PIK3AP1: variants seen among roughly 807,000 people sequenced by gnomAD.
PIK3AP1 encodes phosphoinositide-3-kinase adaptor protein 1.
A neutral mutation model predicts 88.1 loss-of-function variants in PIK3AP1; 21 were observed. The observed-to-expected ratio is 0.24, with a 90% confidence interval of 0.17 to 0.34. PIK3AP1 has a LOEUF of 0.34. Ranked by LOEUF, PIK3AP1 falls within the 10% of genes least tolerant of loss-of-function variation. The pLI is 1.00. For missense variants in PIK3AP1, 828 were observed against 1,035.7 expected (o/e 0.80, Z 2.75); for synonymous variants, 398 against 400.0 (o/e 1.00, Z 0.06).
At chr10:96,654,034 C>G (rs1213717709) in intron 3 of PIK3AP1, among the ~76,000 whole-genome samples, 2 of 152,208 alleles carry the variant, frequency 1.3e-5, no homozygotes, top group African/African-American at 2.4e-5. Flanking sequence ...GAGCCAGAGT[C>G]TGCATCATAA....
At chr10:96,712,046 A>T (rs1039816715) in intron 1 of PIK3AP1, among the ~76,000 whole-genome samples, 4 of 151,598 alleles carry the variant, frequency 2.6e-5, no homozygotes, top group African/African-American at 9.7e-5. Context: ...GAGCCACCGC[A>T]CCCGGCCATA....
intron 1 of PIK3AP1, among the ~76,000 whole-genome samples, chr10:96,712,234 T>C (rs979497233): frequency 1.3e-5 from 2 of 152,130 alleles, no homozygotes; most frequent in African/African-American, 4.8e-5. Context: ...TACAAATCTT[T>C]TAAAAAGGCA....
At chr10:96,636,569 C>G (rs751579636) in intron 8 of PIK3AP1, among the ~76,000 whole-genome samples, 2 of 152,182 alleles carry the variant, frequency 1.3e-5, no homozygotes, top group Non-Finnish European at 2.9e-5. Context: ...CAGAACAAAT[C>G]CCTGCATTCC....
intron 8 of PIK3AP1, among the ~76,000 whole-genome samples, chr10:96,643,741 CT>C (rs1843422204): frequency 6.6e-6 from 1 of 152,214 alleles, no homozygotes; most frequent in Non-Finnish European, 1.5e-5. Context: ...CCAAGGCATC[CT>C]GTTGGTGCCT....
chr10:96,650,781 C>T (rs1023779040), intron 6 of PIK3AP1, among the ~76,000 whole-genome samples: 1 of 152,124 alleles, frequency 6.6e-6, no homozygotes, highest in Non-Finnish European at 1.5e-5. Context: ...TGGCAAGAGA[C>T]AGGTGAAAAA....
chr10:96,624,350 T>C (rs1843126398), intron 10 of PIK3AP1, among the ~76,000 whole-genome samples: 1 of 152,230 alleles, frequency 6.6e-6, no homozygotes, highest in Non-Finnish European at 1.5e-5. Flanking sequence ...CTTGGCATGC[T>C]AGTTAACCCA....
intron 2 of PIK3AP1, among the ~76,000 whole-genome samples, chr10:96,691,628 T>A (rs1419911955): frequency 6.6e-6 from 1 of 152,198 alleles, no homozygotes; most frequent in African/African-American, 2.4e-5. Context: ...CAGGATTCCA[T>A]CACTGATGGC....
At position 96,702,921 on chromosome 10, in the gene PIK3AP1, G is replaced by C. The variant is rs568208088; in HGVS notation, c.430+6646C>G. 4.5e-4 allele frequency among the ~76,000 whole-genome samples: 69 copies of C among 152,030 alleles called. 1 individual carries two copies. Among genetic ancestry groups the C allele is most frequent in the Non-Finnish European group, 5.0e-4 (34 of 68,004 alleles). ...AGACAGGGTCTCGCTCTGTCTCCCA[G>C]GCTGGAGTGCAGTGCTGCAATCACA... On this transcript the variant is annotated intron_variant, in intron 2 of 16. Transcript: ENST00000339364.
At chr10:96,600,935 C>G (rs1192050572) in intron 16 of PIK3AP1, among the ~76,000 whole-genome samples, 1 of 152,152 alleles carries the variant, frequency 6.6e-6, no homozygotes, top group Admixed American at 6.5e-5. Context: ...TTCCGTTACT[C>G]CACAAGACTG....
chr10:96,696,595 A>C (rs1844224667), intron 2 of PIK3AP1, among the ~76,000 whole-genome samples: 1 of 152,226 alleles, frequency 6.6e-6, no homozygotes, highest in Admixed American at 6.5e-5. Flanking sequence ...CCATTCTGTA[A>C]TGCATATTTA....
intron 2 of PIK3AP1, among the ~76,000 whole-genome samples, chr10:96,705,770 A>G (rs1035684762): frequency 2.0e-5 from 3 of 151,110 alleles, no homozygotes; most frequent in African/African-American, 7.3e-5. Context: ...TTTTGTAGAG[A>G]CAGGGTTTTG....
chr10:96,704,530 C>T (rs1284716525), intron 2 of PIK3AP1, among the ~76,000 whole-genome samples: 2 of 152,016 alleles, frequency 1.3e-5, no homozygotes, highest in African/African-American at 4.8e-5. Flanking sequence ...CCAGCCTGGC[C>T]AACATGGTGA....
intron 16 of PIK3AP1, among the ~76,000 whole-genome samples, chr10:96,597,098 C>T (rs1381011363): frequency 2.0e-5 from 3 of 151,900 alleles, no homozygotes; most frequent in Non-Finnish European, 1.5e-5. Context: ...ATGGTTGTCA[C>T]TGAGTGACTG....
At chr10:96,630,434 C>T (rs1040857933) in intron 8 of PIK3AP1, among the ~76,000 whole-genome samples, 3 of 152,178 alleles carry the variant, frequency 2.0e-5, no homozygotes, top group African/African-American at 4.8e-5. Context: ...TAAGAACTCA[C>T]GCCTAATTCA....
At chr10:96,622,675 A>G (rs1457916053) in intron 11 of PIK3AP1, among the ~76,000 whole-genome samples, 1 of 152,212 alleles carries the variant, frequency 6.6e-6, no homozygotes, top group Non-Finnish European at 1.5e-5. Flanking sequence ...CCAGTTTCCT[A>G]CTACCAGAGC....
chr10:96,686,503 T>G (rs1033652699), intron 2 of PIK3AP1, among the ~76,000 whole-genome samples: 1 of 152,106 alleles, frequency 6.6e-6, no homozygotes, highest in African/African-American at 2.4e-5. Context: ...GGTAACAGAA[T>G]TTGAGTTGGA....
At chr10:96,667,971 T>G (rs1843788053) in intron 2 of PIK3AP1, among the ~76,000 whole-genome samples, 1 of 152,236 alleles carries the variant, frequency 6.6e-6, no homozygotes. Context: ...TATATCTAAC[T>G]TCTATCTATA....
At chr10:96,654,119 C>A (rs892612424) in intron 3 of PIK3AP1, among the ~76,000 whole-genome samples, 2 of 152,106 alleles carry the variant, frequency 1.3e-5, no homozygotes, top group Non-Finnish European at 2.9e-5. Context: ...TCATGCAGTC[C>A]TGGATTTTAC....
At chr10:96,628,928 A>ATATATATG (rs1564961395) in intron 8 of PIK3AP1, among the ~76,000 whole-genome samples, 3 of 133,428 alleles carry the variant, frequency 2.2e-5, no homozygotes, top group African/African-American at 8.4e-5. Context: ...ATATATATAT[A>ATATATATG]TGGCAAGGTC....
Sources: allele counts gnomAD v4.1 joint callset (sites outside exome capture counted in the v4.1 genomes callset), GRCh38; gene constraint gnomAD v4.1.1; transcripts MANE v1.5; gene names NCBI Gene and HGNC (gene_info 2026-07-23, HGNC 2026-07-21).